Variants in INTU observed in about 807,000 individuals in gnomAD.
INTU encodes protein inturned.
A neutral mutation model predicts 100.5 loss-of-function variants in INTU; 68 were observed. The observed-to-expected ratio is 0.68, with a 90% CI of 0.56 to 0.83. INTU has a LOEUF of 0.83. Ranked by LOEUF, INTU falls within the 40% of genes least tolerant of loss-of-function variation. The probability of loss-of-function intolerance (pLI) is 0.00; values close to 1 mark genes in which losing one functional copy is unlikely to be tolerated. For missense variants in INTU, 1,071 were observed against 1,114.7 expected, an observed-to-expected ratio of 0.96 and a Z score of 0.56; for synonymous variants, 357 against 395.7, an observed-to-expected ratio of 0.90 and a Z score of 1.16.
chr4:127,654,528 T>C (rs1156239196), intron 2 of INTU, among the ~76,000 whole-genome samples: 1 of 152,200 alleles, frequency 6.6e-6, no homozygotes, highest in Non-Finnish European at 1.5e-5. Context: ...AATTCTTTTC[T>C]TTAAGAATGT....
At chr4:127,651,834 A>T (rs1727896758) in intron 2 of INTU, among the ~76,000 whole-genome samples, 1 of 151,568 alleles carries the variant, frequency 6.6e-6, no homozygotes, top group Non-Finnish European at 1.5e-5. Flanking sequence ...CACGATATTG[A>T]TTCTTCCTAC....
intron 5 of INTU, among the ~76,000 whole-genome samples, chr4:127,669,881 T>G (rs1398430260): frequency 6.6e-6 from 1 of 151,894 alleles, no homozygotes; most frequent in Non-Finnish European, 1.5e-5. Flanking sequence ...AAAATGCTTC[T>G]GGACATTGGC....
intron 14 of INTU, among the ~76,000 whole-genome samples, chr4:127,711,524 C>A (rs1167270917): frequency 6.6e-6 from 1 of 152,124 alleles, no homozygotes; most frequent in East Asian, 1.9e-4. Flanking sequence ...GGGTCCCCAA[C>A]CCCCCTGGGC....
At chr4:127,663,337 T>C in intron 3 of INTU, 44 bp from the exon 4 acceptor site, 2 of 1,455,542 alleles carry the variant, frequency 1.4e-6, no homozygotes, top group Non-Finnish European at 1.9e-6. Context: ...CTGCAGCTGA[T>C]TTTCCCTTGT....
chr4:127,669,692 A>G (rs1461245518), intron 5 of INTU, among the ~76,000 whole-genome samples: 2 of 151,882 alleles, frequency 1.3e-5, no homozygotes, highest in South Asian at 4.1e-4. Context: ...GGCTATTCAT[A>G]ATCTGTGAAT....
chr4:127,669,724 A>G (rs1238892496), intron 5 of INTU, among the ~76,000 whole-genome samples: 1 of 151,846 alleles, frequency 6.6e-6, no homozygotes, highest in Non-Finnish European at 1.5e-5. Flanking sequence ...CCCACCCTTC[A>G]AAATCTCCAA....
At chr4:127,671,480 G>A (rs1728923048) in intron 5 of INTU, among the ~76,000 whole-genome samples, 2 of 152,092 alleles carry the variant, frequency 1.3e-5, no homozygotes, top group African/African-American at 4.8e-5. Context: ...TGGTGAGGAT[G>A]CAGAGAAAAG....
Position 127,645,388 on chromosome 4 carries a change from C to T in INTU, c.682+1332C>T, listed in dbSNP as rs1034098295. 6.6e-5 allele frequency among the ~76,000 whole-genome samples: 10 copies of T among 152,050 alleles called. No homozygotes were observed. The East Asian group carries it at 9.7e-4, about 15-fold the overall frequency. ...AGCTGATAGCCCCAACTGAAGCCCT[C>T]GCCACCAGATGTGAGTGAGAAGCCT... On this transcript the variant is annotated intron_variant, in intron 2 of 15. Coordinates refer to ENST00000335251, the MANE Select transcript of INTU (RefSeq NM_015693.4).
chr4:127,706,411 TAA>T, intron 11 of INTU, 74 bp from the exon 12 acceptor site: 1 of 1,264,116 alleles, frequency 7.9e-7, no homozygotes, highest in Non-Finnish European at 1.1e-6. Flanking sequence ...TCGATATTTA[TAA>T]GTTTATACAT....
rs1206707047 is a variant in INTU at position 127,717,080 on chromosome 4, C to T, written c.*644C>T. ...ACATGTGCCATGGCGGTTTGCTCCA[C>T]CTATCAACCCATCACCTAGGTATTA... On this transcript the variant is annotated 3_prime_UTR_variant, in exon 16 of 16. Coordinates refer to ENST00000335251, the MANE Select transcript of INTU (RefSeq NM_015693.4). The T allele has an allele frequency of 1.3e-5, 2 of 152,154 alleles. No homozygotes were observed. Among genetic ancestry groups the T allele is most frequent in the African/African-American group, 4.8e-5 (2 of 41,428 alleles). The allele number at this position is 152,154 out of a possible 1,614,324, so 9.4% of individuals were successfully genotyped here.
chr4:127,678,583 A>T (rs2126219261), intron 6 of INTU, among the ~76,000 whole-genome samples: 1 of 152,316 alleles, frequency 6.6e-6, no homozygotes, highest in Admixed American at 6.5e-5. Flanking sequence ...GCCTGCCCTA[A>T]AAGAGCTCCT....
At chr4:127,710,851 C>G in intron 13 of INTU, 62 bp from the exon 14 acceptor site, 1 of 1,010,628 alleles carries the variant, frequency 9.9e-7, no homozygotes, top group Non-Finnish European at 1.4e-6. Flanking sequence ...TCAAAATGAA[C>G]CAATATTTTA....
chr4:127,653,033 T>G (rs935260796), intron 2 of INTU, among the ~76,000 whole-genome samples: 2 of 151,700 alleles, frequency 1.3e-5, no homozygotes, highest in Non-Finnish European at 2.9e-5. Context: ...TATTCTCTGA[T>G]GGTAGTTTGT....
intron 6 of INTU, among the ~76,000 whole-genome samples, chr4:127,679,311 C>T (rs1359586561): frequency 2.0e-5 from 3 of 152,058 alleles, no homozygotes; most frequent in Admixed American, 6.6e-5. Context: ...TTTTTTTCAG[C>T]ACCACACCAC....
intron 3 of INTU, among the ~76,000 whole-genome samples, chr4:127,657,783 A>T (rs1043161242): frequency 1.3e-5 from 2 of 152,014 alleles, no homozygotes; most frequent in Non-Finnish European, 2.9e-5. Flanking sequence ...AAACAGATTC[A>T]GGGTTCCCAC....
At chr4:127,692,118 A>G (rs1730172520) in intron 8 of INTU, among the ~76,000 whole-genome samples, 1 of 151,756 alleles carries the variant, frequency 6.6e-6, no homozygotes, top group Non-Finnish European at 1.5e-5. Flanking sequence ...GTAGATACCT[A>G]CTAGTGGGAT....
Position 127,683,628 on chromosome 4 carries a change from T to C in INTU, c.1182-781T>C, listed in dbSNP as rs150513719. On this transcript the variant is annotated intron_variant, in intron 6 of 15. Transcript: ENST00000335251. The stretch of plus-strand genomic sequence containing the variant: ...AAGTGCTGTCCCACAGAATTTAGGG[T>C]GGGGCACATGATCGAGGGACATGTG... Among the ~76,000 whole-genome samples, 1,039 of 152,072 alleles carry C rather than the reference T, an allele frequency of 6.8e-3. 12 individuals are homozygous for C. The highest frequency in any genetic ancestry group is 0.024 in the African/African-American group (995 of 41,470).
At chr4:127,676,283 T>C (rs1160190248) in intron 6 of INTU, among the ~76,000 whole-genome samples, 1 of 150,894 alleles carries the variant, frequency 6.6e-6, no homozygotes, top group Non-Finnish European at 1.5e-5. Context: ...AACGAAGGAG[T>C]TGTTTAGAAA....
intron 2 of INTU, among the ~76,000 whole-genome samples, chr4:127,653,607 C>T (rs1398073236): frequency 8.8e-5 from 13 of 147,842 alleles, no homozygotes; most frequent in East Asian, 2.0e-4. Flanking sequence ...TAATTTCTGT[C>T]CTTTTACATT....
Sources: allele counts gnomAD v4.1 joint callset (sites outside exome capture counted in the v4.1 genomes callset), GRCh38; gene constraint gnomAD v4.1.1; transcripts MANE v1.5; gene names NCBI Gene and HGNC (gene_info 2026-07-23, HGNC 2026-07-21).